Variants in SDK2 observed in about 807,000 individuals in gnomAD.
SDK2 encodes sidekick cell adhesion molecule 2.
In SDK2, 105 loss-of-function variants were observed where a neutral mutation model predicts 253.9. That is an observed-to-expected ratio of 0.41 (90% CI 0.35 to 0.49). The LOEUF (loss-of-function observed/expected upper bound fraction) is 0.49. Ranked by LOEUF, SDK2 falls within the 20% of genes least tolerant of loss-of-function variation. SDK2 has a pLI of 0.06. For missense variants in SDK2, 2,608 were observed against 3,003.0 expected (o/e 0.87, Z 3.07); for synonymous variants, 1,249 against 1,234.9 (o/e 1.01, Z -0.24).
At chr17:73,561,998 C>CAT (rs2045242860) in intron 1 of SDK2, among the ~76,000 whole-genome samples, 1 of 152,036 alleles carries the variant, frequency 6.6e-6, no homozygotes, top group Admixed American at 6.6e-5. Context: ...TGGTGGTGTG[C>CAT]GCCTGTAATC....
At chr17:73,526,612 C>CGT (rs944688516) in intron 1 of SDK2, among the ~76,000 whole-genome samples, 7 of 151,728 alleles carry the variant, frequency 4.6e-5, no homozygotes, top group African/African-American at 7.3e-5. Flanking sequence ...AGATTTTGAG[C>CGT]GTGTGTGTGT....
intron 1 of SDK2, among the ~76,000 whole-genome samples, chr17:73,566,319 A>ATGTGTGTGTGTGTGTGTGTG (rs55940592): frequency 5.1e-4 from 71 of 139,312 alleles, no homozygotes; most frequent in African/African-American, 1.6e-3. Context: ...TTATATATAT[A>ATGTGTGTGTGTGTGTGTGTG]TGTGTGTGTG....
At chr17:73,532,620 C>A (rs574064319) in intron 1 of SDK2, among the ~76,000 whole-genome samples, 1 of 152,332 alleles carries the variant, frequency 6.6e-6, no homozygotes, top group South Asian at 2.1e-4. Flanking sequence ...AATCGCCCTT[C>A]TTATCAACAT....
At chr17:73,436,681 C>T (rs2063372417) in intron 8 of SDK2, among the ~76,000 whole-genome samples, 1 of 151,936 alleles carries the variant, frequency 6.6e-6, no homozygotes. Context: ...TGCTTGCCTT[C>T]CCTTCCCGGC....
chr17:73,356,789 T>C (rs1350669984), intron 40 of SDK2, among the ~76,000 whole-genome samples: 1 of 152,190 alleles, frequency 6.6e-6, no homozygotes, highest in East Asian at 1.9e-4. Context: ...CCTGGCTTGG[T>C]CCTTCCTTTT....
rs11443969 is a variant in SDK2, at chr17:73,393,242, C to CAAA, written c.3898+315_3898+317dup. Reference sequence around the variant, plus strand: ...CCTGGGTGACAGAGTGATACTCTATCAAAAAAAAAAAAAAAAAAAAAAGAA... The same window carrying CAAA: ...CCTGGGTGACAGAGTGATACTCTATCAAAAAAAAAAAAAAAAAAAAAAAAAGAA... On this transcript the variant is annotated intron_variant, in intron 27 of 44. Transcript: ENST00000392650. 1.2e-3 allele frequency among the ~76,000 whole-genome samples: 106 copies of CAAA among 85,448 alleles called. 2 individuals are homozygous for CAAA. Among genetic ancestry groups the CAAA allele is most frequent in the African/African-American group, 2.2e-3 (51 of 23,218 alleles). 56.1% of individuals were successfully genotyped at this position (85,448 alleles called of 152,430 possible). A position where few individuals can be genotyped will look rare whatever the true frequency, so the allele number is the denominator to read the frequency against.
intron 1 of SDK2, among the ~76,000 whole-genome samples, chr17:73,636,727 AG>A (rs2046336843): frequency 1.3e-5 from 2 of 151,130 alleles, no homozygotes; most frequent in South Asian, 2.1e-4. Context: ...GAAAAGAAAA[AG>A]GTGAGAAGAT....
At chr17:73,359,227 A>C (rs2062620118) in intron 39 of SDK2, among the ~76,000 whole-genome samples, 1 of 151,788 alleles carries the variant, frequency 6.6e-6, no homozygotes, top group African/African-American at 2.4e-5. Context: ...CTAGCATCAC[A>C]CTGATGCTCC....
In SDK2 at chr17:73,383,874, A is replaced by T; in HGVS notation, c.4705+2T>A. ...TTCCTCTGGCTCCCAAGTGTCACTCACAGGTAAGCTCAGCCCATGTGGCCC... is the reference window on the plus strand; with the variant it reads ...TTCCTCTGGCTCCCAAGTGTCACTCTCAGGTAAGCTCAGCCCATGTGGCCC... On this transcript the variant is annotated splice_donor_variant, in intron 33 of 44. Coordinates refer to ENST00000392650, the MANE Select transcript of SDK2 (RefSeq NM_001144952.2). LOFTEE classifies it high-confidence loss of function. The surrounding 1 kb of genome is among the most constrained non-coding windows in gnomAD (Gnocchi z 4.3). 1 of 1,613,868 alleles carries T rather than the reference A, an allele frequency of 6.2e-7. No homozygotes were observed. The highest frequency in any genetic ancestry group is 1.1e-5 in the South Asian group (1 of 91,072).
At chr17:73,389,576 G>C (rs1430782651) in intron 29 of SDK2, among the ~76,000 whole-genome samples, 1 of 152,136 alleles carries the variant, frequency 6.6e-6, no homozygotes, top group Non-Finnish European at 1.5e-5. Context: ...CAGGCCAGTC[G>C]GGGTCCCAGG....
chr17:73,364,709 C>A (rs1322615409), intron 38 of SDK2, among the ~76,000 whole-genome samples: 2 of 152,162 alleles, frequency 1.3e-5, no homozygotes, highest in Non-Finnish European at 2.9e-5. Flanking sequence ...GCAACCTCTG[C>A]CTGCCGGGTT....
chr17:73,625,287 T>C (rs1240075105), intron 1 of SDK2, among the ~76,000 whole-genome samples: 1 of 152,218 alleles, frequency 6.6e-6, no homozygotes, highest in East Asian at 1.9e-4. Flanking sequence ...ACTGGGGAAC[T>C]TCATGGAGAA....
chr17:73,338,527 G>A lies in SDK2; in HGVS notation c.*60C>T, dbSNP rs1263952827. ...GTTTTTGTTTTCTGGCAGGCAGTGA[G>A]AGGAGGGGTGAAGGAGGAGTTTGGT... On this transcript the variant is annotated 3_prime_UTR_variant, in exon 45 of 45. Transcript: ENST00000392650. This position sits in a 1 kb window ranked among gnomAD's most constrained non-coding sequence, Gnocchi z 5.0. 1 of 1,004,570 alleles carries A rather than the reference G, an allele frequency of 1.0e-6. No individual in the cohort carries two copies. Among genetic ancestry groups the A allele is most frequent in the Non-Finnish European group, 1.5e-6 (1 of 680,234 alleles). 62.2% of individuals were successfully genotyped at this position (1,004,570 alleles called of 1,614,324 possible). A position where few individuals can be genotyped will look rare whatever the true frequency, so the allele number is the denominator to read the frequency against.
intron 1 of SDK2, among the ~76,000 whole-genome samples, chr17:73,598,897 T>C (rs78080692): frequency 0.054 from 8,215 of 152,334 alleles, 311 homozygotes; most frequent in East Asian, 0.16. Flanking sequence ...ATAAAATGAA[T>C]GGATCAGGCA....
At chr17:73,412,249 A>AACATAT (rs776010834) in intron 18 of SDK2, among the ~76,000 whole-genome samples, 1 of 148,154 alleles carries the variant, frequency 6.7e-6, no homozygotes, top group African/African-American at 2.5e-5. Context: ...TATATCCTGG[A>AACATAT]ACATATACAT....
chr17:73,473,929 G>T (rs978173330), intron 2 of SDK2, among the ~76,000 whole-genome samples: 2 of 151,922 alleles, frequency 1.3e-5, no homozygotes, highest in Non-Finnish European at 2.9e-5. Context: ...AAATAGAAAT[G>T]GTCAGCATTT....
At chr17:73,437,675 A>ATGAGGACGGGACATGCCGGTATCC in intron 8 of SDK2, 64 bp downstream of exon 8, 1 of 1,327,834 alleles carries the variant, frequency 7.5e-7, no homozygotes. Flanking sequence ...AATGTCCACA[A>ATGAGGACGGGACATGCCGGTATCC]TGAGGATGGG....
chr17:73,430,700 C>T, intron 11 of SDK2, 87 bp from the exon 12 acceptor site: 1 of 852,446 alleles, frequency 1.2e-6, no homozygotes, highest in South Asian at 2.2e-5. Flanking sequence ...TGAAAGCCCC[C>T]AAATGGTTAA....
At chr17:73,475,160 T>A (rs956485385) in intron 2 of SDK2, among the ~76,000 whole-genome samples, 3 of 152,104 alleles carry the variant, frequency 2.0e-5, no homozygotes, top group Non-Finnish European at 2.9e-5. Flanking sequence ...TTATTTATTT[T>A]TATTTTTTTG....
Sources: gnomAD v4.1 joint callset for allele counts (sites outside exome capture counted in the v4.1 genomes callset) on GRCh38, gnomAD v4.1.1 for gene constraint, Gnocchi (gnomAD v3.1) non-coding constraint, MANE v1.5 for transcripts, NCBI Gene and HGNC (gene_info 2026-07-23, HGNC 2026-07-21) for gene names.